Variants in RANBP2 observed in about 807,000 individuals in gnomAD.
The protein encoded by RANBP2 is RAN binding protein 2.
RANBP2 carries 57 observed loss-of-function variants against 303.6 expected under a neutral mutation model. That is an observed-to-expected ratio of 0.19 (90% CI 0.15 to 0.23). RANBP2 has a LOEUF of 0.23. Ranked by LOEUF, RANBP2 falls within the 10% of genes least tolerant of loss-of-function variation. The pLI, the probability that RANBP2 is intolerant of heterozygous loss-of-function variation, is 1.00. For missense variants in RANBP2, 3,138 were observed against 3,780.8 expected (o/e 0.83, Z 4.46); for synonymous variants, 1,167 against 1,301.5 (o/e 0.90, Z 2.23).
At chr2:108,863,295 A>ATG in the RANBP2 span, among the ~76,000 whole-genome samples, 1 of 152,198 alleles carries the variant, frequency 6.6e-6, no homozygotes, top group Non-Finnish European at 1.5e-5. Context: ...CATACATATC[A>ATG]TCTGTTTTCT....
At chr2:109,124,560 C>T in the RANBP2 span, 2 of 152,246 alleles carry the variant, frequency 1.3e-5, no homozygotes, top group African/African-American at 4.8e-5. Context: ...ATCCGCCCGT[C>T]TCGGCCTCCC....
At chr2:109,658,857 G>C in the RANBP2 span, among the ~76,000 whole-genome samples, 1 of 152,142 alleles carries the variant, frequency 6.6e-6, no homozygotes, top group African/African-American at 2.4e-5. Context: ...ACGAGGTCAG[G>C]AGTTCGAGAC....
At chr2:109,031,142 T>C in the RANBP2 span, among the ~76,000 whole-genome samples, 1 of 152,162 alleles carries the variant, frequency 6.6e-6, no homozygotes, top group Non-Finnish European at 1.5e-5. Flanking sequence ...AGTCCATTCC[T>C]GCTGCTACAA....
chr2:109,615,189 G>C, the RANBP2 span: 1 of 1,548,774 alleles, frequency 6.5e-7, no homozygotes. Context: ...CTCCGGGGGA[G>C]GACGCGGCAG....
chr2:109,261,410 A>G, the RANBP2 span, among the ~76,000 whole-genome samples: 2 of 152,218 alleles, frequency 1.3e-5, no homozygotes, highest in Admixed American at 1.3e-4. Flanking sequence ...CAGAGCAGTA[A>G]AATGTGCAGT....
At chr2:109,625,109 AAAAGAAAAG>A in the RANBP2 span, among the ~76,000 whole-genome samples, 5 of 147,660 alleles carry the variant, frequency 3.4e-5, 1 homozygote, top group African/African-American at 1.3e-4. Context: ...AAAAAAAAAG[AAAAGAAAAG>A]AAAGAAAAGA....
At chr2:108,957,514 A>C in the RANBP2 span, among the ~76,000 whole-genome samples, 1 of 152,230 alleles carries the variant, frequency 6.6e-6, no homozygotes. Context: ...TGGTTCTATC[A>C]GGTTCTGCCT....
At chr2:109,294,548 G>A in the RANBP2 span, among the ~76,000 whole-genome samples, 2 of 148,430 alleles carry the variant, frequency 1.3e-5, no homozygotes, top group Non-Finnish European at 3.0e-5. Flanking sequence ...GTGATAGAGG[G>A]AGACTCAGTC....
the RANBP2 span, among the ~76,000 whole-genome samples, chr2:108,891,204 G>A: frequency 6.6e-6 from 1 of 152,154 alleles, no homozygotes; most frequent in Non-Finnish European, 1.5e-5. Flanking sequence ...TGAGAATTCT[G>A]ATGTTCCTTT....
the RANBP2 span, among the ~76,000 whole-genome samples, chr2:109,266,240 TTG>T: frequency 6.6e-6 from 1 of 150,970 alleles, no homozygotes; most frequent in Non-Finnish European, 1.5e-5. Context: ...ATTCAGTGTG[TTG>T]TGTGTGCTGT....
the RANBP2 span, among the ~76,000 whole-genome samples, chr2:109,479,758 A>G: frequency 4.6e-5 from 7 of 152,218 alleles, no homozygotes; most frequent in South Asian, 2.1e-4. Flanking sequence ...CTAAAAGCCA[A>G]TTATCCACAC....
At chr2:109,090,704 GT>G in the RANBP2 span, among the ~76,000 whole-genome samples, 3 of 152,006 alleles carry the variant, frequency 2.0e-5, no homozygotes, top group African/African-American at 2.4e-5. Flanking sequence ...TATTAGACTT[GT>G]TAAAATTGTT....
chr2:109,250,803 T>G, the RANBP2 span, among the ~76,000 whole-genome samples: 1 of 151,976 alleles, frequency 6.6e-6, no homozygotes, highest in African/African-American at 2.4e-5. Flanking sequence ...GGAATTAGGA[T>G]TTTCAGAATT....
chr2:109,054,688 C>A, the RANBP2 span, among the ~76,000 whole-genome samples: 1 of 147,210 alleles, frequency 6.8e-6, no homozygotes, highest in Non-Finnish European at 1.5e-5. Flanking sequence ...AACAGTGAGA[C>A]TCCGTCTCAA....
the RANBP2 span, among the ~76,000 whole-genome samples, chr2:109,229,653 C>T: frequency 3.3e-5 from 5 of 152,120 alleles, no homozygotes. Flanking sequence ...AGGAAGGCCC[C>T]AGATGTGAAA....
At chr2:109,172,549 C>G in the RANBP2 span, among the ~76,000 whole-genome samples, 1 of 152,196 alleles carries the variant, frequency 6.6e-6, no homozygotes, top group Non-Finnish European at 1.5e-5. Flanking sequence ...CGTCCTAGCT[C>G]TTGTTATTCC....
the RANBP2 span, among the ~76,000 whole-genome samples, chr2:109,183,681 G>A: frequency 6.6e-6 from 1 of 152,288 alleles, no homozygotes; most frequent in Admixed American, 6.5e-5. Flanking sequence ...GTTCATCCCT[G>A]AAAACAAAAA....
chr2:108,816,224 G>A, the RANBP2 span: 1 of 706,348 alleles, frequency 1.4e-6, no homozygotes, highest in East Asian at 2.9e-5. Context: ...TTCGAGCTGG[G>A]CAGATCACCT....
chr2:109,612,772 G>A, the RANBP2 span, among the ~76,000 whole-genome samples: 1 of 152,184 alleles, frequency 6.6e-6, no homozygotes, highest in Non-Finnish European at 1.5e-5. Flanking sequence ...CAGAAAATTT[G>A]AGATTTTTAA....
Sources: gnomAD v4.1 joint callset for allele counts (sites outside exome capture counted in the v4.1 genomes callset) on GRCh38, gnomAD v4.1.1 for gene constraint, MANE v1.5 for transcripts, NCBI Gene and HGNC (gene_info 2026-07-23, HGNC 2026-07-21) for gene names.